ABCC1: variants seen among roughly 807,000 people sequenced by gnomAD.
ABCC1 encodes the protein multidrug resistance-associated protein 1.
ABCC1 carries 83 observed loss-of-function variants against 172.9 expected under a neutral mutation model. The observed-to-expected ratio is 0.48, with a 90% CI of 0.40 to 0.58. The LOEUF is 0.58. Among genes scored for constraint, ABCC1 ranks in the 20% least tolerant of loss-of-function variants. ABCC1 has a pLI of 0.00. For synonymous variants in ABCC1, 937 were observed against 825.2 expected (o/e 1.14, Z -2.32); for missense variants, 1,817 against 2,002.7 (o/e 0.91, Z 1.77).
intron 26 of ABCC1, among the ~76,000 whole-genome samples, chr16:16,130,025 C>T (rs112483640): frequency 1.3e-5 from 2 of 152,338 alleles, no homozygotes; most frequent in African/African-American, 4.8e-5. Context: ...GTGAACCTGG[C>T]CCAGGCCATA....
chr16:16,085,489 C>T (rs183763877), intron 17 of ABCC1, among the ~76,000 whole-genome samples: 22 of 152,296 alleles, frequency 1.4e-4, no homozygotes, highest in South Asian at 4.1e-4. Context: ...AAATAAAAAA[C>T]GAATTATTGG....
intron 1 of ABCC1, among the ~76,000 whole-genome samples, chr16:15,981,101 T>G (rs2046610123): frequency 6.6e-6 from 1 of 152,234 alleles, no homozygotes; most frequent in Admixed American, 6.5e-5. Context: ...AGAGGTGGGC[T>G]CTAGCTATGG....
intron 22 of ABCC1, among the ~76,000 whole-genome samples, chr16:16,113,292 C>T (rs1329300482): frequency 2.0e-5 from 3 of 152,208 alleles, no homozygotes; most frequent in Non-Finnish European, 4.4e-5. Flanking sequence ...GCAACAACGT[C>T]TGTTCCAGAG....
At chr16:16,018,092 T>C (rs991656301) in intron 5 of ABCC1, among the ~76,000 whole-genome samples, 2 of 152,138 alleles carry the variant, frequency 1.3e-5, no homozygotes, top group Non-Finnish European at 2.9e-5. Context: ...GCTAGTCAGC[T>C]GGTAATGGGC....
chr16:16,095,361 T>C (rs949106807), intron 19 of ABCC1, among the ~76,000 whole-genome samples: 2 of 152,244 alleles, frequency 1.3e-5, no homozygotes, highest in African/African-American at 2.4e-5. Context: ...TGGTTTTCCA[T>C]CAGGGGCAAA....
intron 30 of ABCC1, 22 bp downstream of exon 30, chr16:16,138,580 C>G: frequency 6.5e-7 from 1 of 1,533,322 alleles, no homozygotes. Context: ...GGCACAGTGG[C>G]CTCTAGGCTT....
intron 21 of ABCC1, among the ~76,000 whole-genome samples, chr16:16,109,057 CA>C (rs2052273301): frequency 6.6e-6 from 1 of 152,190 alleles, no homozygotes. Flanking sequence ...TCTCCTCACC[CA>C]CATTTTTCAT....
chr16:15,982,306 A>G (rs2151589588), intron 1 of ABCC1, among the ~76,000 whole-genome samples: 1 of 152,150 alleles, frequency 6.6e-6, no homozygotes, highest in South Asian at 2.1e-4. Flanking sequence ...AAGACTGGGT[A>G]GTTTATAAAG....
intron 5 of ABCC1, among the ~76,000 whole-genome samples, chr16:16,016,827 T>G (rs923914556): frequency 1.3e-5 from 2 of 152,220 alleles, no homozygotes; most frequent in African/African-American, 4.8e-5. Flanking sequence ...AGAATCTGCT[T>G]TGTCATTGAT....
chr16:16,105,041 G>C (rs960009777), intron 20 of ABCC1, among the ~76,000 whole-genome samples: 8 of 152,194 alleles, frequency 5.3e-5, no homozygotes, highest in African/African-American at 1.9e-4. Context: ...GAGGGAGCCG[G>C]CTCCAGCCTT....
At chr16:16,094,928 G>C (rs2051410250) in intron 19 of ABCC1, among the ~76,000 whole-genome samples, 1 of 139,378 alleles carries the variant, frequency 7.2e-6, no homozygotes, top group South Asian at 2.4e-4. Flanking sequence ...AGAAATTCTT[G>C]TGCCTCAGCC....
chr16:16,079,940 A>G (rs12920474), intron 16 of ABCC1, among the ~76,000 whole-genome samples: 18,176 of 151,612 alleles, frequency 0.12, 1,213 homozygotes, highest in Middle Eastern at 0.22. Flanking sequence ...CCTCCCGAGT[A>G]GCTAGGATTA....
chr16:16,098,568 A>AAGATCACGCC (rs1241963542), intron 19 of ABCC1, among the ~76,000 whole-genome samples: 1 of 152,216 alleles, frequency 6.6e-6, no homozygotes, highest in Admixed American at 6.5e-5. Context: ...GCGGTGAGCT[A>AAGATCACGCC]AGATCACGCC....
intron 27 of ABCC1, among the ~76,000 whole-genome samples, chr16:16,132,510 G>GTTTTTTTTTT (rs71137915): frequency 0.017 from 622 of 37,170 alleles, 62 homozygotes; most frequent in Non-Finnish European, 0.02. Context: ...TTGGTTGGTT[G>GTTTTTTTTTT]TTTTTTTTTT....
At chr16:16,126,703 G>A (rs1011954032) in intron 26 of ABCC1, among the ~76,000 whole-genome samples, 5 of 152,118 alleles carry the variant, frequency 3.3e-5, no homozygotes, top group Non-Finnish European at 7.4e-5. Flanking sequence ...ATTTGTATAG[G>A]GGACTCCTGT....
At chr16:15,952,041 C>T (rs1567270363) in intron 1 of ABCC1, among the ~76,000 whole-genome samples, 1 of 152,112 alleles carries the variant, frequency 6.6e-6, no homozygotes, top group African/African-American at 2.4e-5. Flanking sequence ...GACTGGCCTC[C>T]CAGGCAGTCA....
chr16:15,986,088 C>G (rs911378593), intron 1 of ABCC1, among the ~76,000 whole-genome samples: 4 of 151,930 alleles, frequency 2.6e-5, no homozygotes, highest in African/African-American at 9.7e-5. Context: ...GTGCATGTCA[C>G]CATGCCTGGC....
intron 11 of ABCC1, among the ~76,000 whole-genome samples, chr16:16,055,871 T>C (rs1318715995): frequency 6.6e-6 from 1 of 150,862 alleles, no homozygotes; most frequent in Non-Finnish European, 1.5e-5. Context: ...TGAGGCCCAG[T>C]GCGGTGGCTC....
At position 16,131,837 on chromosome 16, in the gene ABCC1, G is replaced by T; in HGVS notation, c.3868G>T (p.Val1290Leu). 1 of 1,614,176 alleles carries T rather than the reference G, an allele frequency of 6.2e-7. No individual in the cohort carries two copies. The highest frequency in any genetic ancestry group is 8.5e-7 in the Non-Finnish European group (1 of 1,180,030). Residue 1290 changes from valine to leucine, a missense_variant, in exon 27 of 31, where the codon GTG (valine) becomes TTG (leucine). Physicochemically the swap from Val to Leu is conservative, Grantham distance 32. Transcript: ENST00000399410. ...ETAPPSSWPQ[V>L]GRVEFRNYCL... ...AGCTCCGCCCAGCAGCTGGCCCCAG[G>T]TGGGCCGAGTGGAATTCCGGAACTA... is the stretch of plus-strand genomic sequence containing the variant.
Sources: gnomAD v4.1 joint callset for allele counts (sites outside exome capture counted in the v4.1 genomes callset) on GRCh38, gnomAD v4.1.1 for gene constraint, MANE v1.5 for transcripts, NCBI Gene and HGNC (gene_info 2026-07-23, HGNC 2026-07-21) for gene names.